The following ENAH variants were observed in gnomAD, a reference collection of about 807,000 sequenced individuals.
ENAH encodes ENAH actin regulator.
Under a neutral mutation model 78.7 loss-of-function variants are expected in ENAH, and 23 were observed. The observed-to-expected ratio is 0.29, with a 90% CI of 0.21 to 0.41. The LOEUF (loss-of-function observed/expected upper bound fraction) is 0.41. Ranked by LOEUF, ENAH falls within the 10% of genes least tolerant of loss-of-function variation. The pLI is 1.00. For synonymous variants in ENAH, 226 were observed against 241.0 expected, an observed-to-expected ratio of 0.94 and a Z score of 0.58; for missense variants, 544 against 691.0, an observed-to-expected ratio of 0.79 and a Z score of 2.39.
At chr1:225,557,269 T>G (rs2096671786) in intron 2 of ENAH, among the ~76,000 whole-genome samples, 1 of 152,154 alleles carries the variant, frequency 6.6e-6, no homozygotes, top group South Asian at 2.1e-4. Flanking sequence ...GATTTATTAT[T>G]TTCTATTATT....
rs974318763 is a variant in ENAH, at chr1:225,494,958, A to G, written c.*2817T>C. 2.6e-5 allele frequency: 4 copies of G among 152,662 alleles called. No individual in the cohort carries two copies. The highest frequency in any genetic ancestry group is 5.9e-5 in the Non-Finnish European group (4 of 68,038). 9.5% of individuals were successfully genotyped at this position (152,662 alleles called of 1,614,324 possible). Reference sequence around the variant, plus strand: ...AAGGAAGTACACCTAAAAGCATGAGAATTCAACATTCATTAGTGTTTCATC... The same window carrying G: ...AAGGAAGTACACCTAAAAGCATGAGGATTCAACATTCATTAGTGTTTCATC... On this transcript the variant is annotated 3_prime_UTR_variant, in exon 14 of 14. Coordinates refer to ENST00000366843, the MANE Select transcript of ENAH (RefSeq NM_018212.6).
chr1:225,532,000 T>C (rs2096540149), intron 3 of ENAH, among the ~76,000 whole-genome samples: 1 of 151,776 alleles, frequency 6.6e-6, no homozygotes, highest in South Asian at 2.1e-4. Context: ...CAAATAAATA[T>C]TATAAAAAAA....
At position 225,587,838 on chromosome 1, in the gene ENAH, A is replaced by C. The variant is rs180900222; in HGVS notation, c.6-20424T>G. 2.1e-3 allele frequency among the ~76,000 whole-genome samples: 323 copies of C among 152,318 alleles called. 4 individuals carry two copies. The highest frequency in any genetic ancestry group is 0.018 in the Admixed American group (277 of 15,306). ...TGAAACAGGACAGAGTCCAGAAATC[A>C]ACACATATAAAGACAACTAATTTTT... is the stretch of plus-strand genomic sequence containing the variant. On this transcript the variant is annotated intron_variant, in intron 1 of 13. Transcript: ENST00000366843.
At chr1:225,535,530 G>T in intron 3 of ENAH, 2 of 1,303,822 alleles carry the variant, frequency 1.5e-6, no homozygotes, top group Non-Finnish European at 2.0e-6. Flanking sequence ...TCGCAAATTA[G>T]TGCTGTCCTG....
intron 1 of ENAH, among the ~76,000 whole-genome samples, chr1:225,616,598 A>AT (rs1416659641): frequency 2.0e-5 from 3 of 152,092 alleles, no homozygotes; most frequent in African/African-American, 7.2e-5. Context: ...GCATCTATAT[A>AT]TAAAAATTGA....
rs1384739719 is a variant in ENAH at position 225,495,255 on chromosome 1, C to A, written c.*2520G>T. The A allele has an allele frequency of 6.6e-6, 1 of 152,538 alleles. No homozygotes were observed. Among genetic ancestry groups the A allele is most frequent in the Non-Finnish European group, 1.5e-5 (1 of 68,010 alleles). The allele number at this position is 152,538 out of a possible 1,614,324, so 9.4% of individuals were successfully genotyped here. A position where few individuals can be genotyped will look rare whatever the true frequency, so the allele number is the denominator to read the frequency against. The stretch of plus-strand genomic sequence containing the variant: ...CAACGTACAAGAGCACAAAAACCAT[C>A]ATAATAATGTGGTTCCAAGGAACGT... On this transcript the variant is annotated 3_prime_UTR_variant, in exon 14 of 14. Coordinates refer to ENST00000366843, the MANE Select transcript of ENAH (RefSeq NM_018212.6).
chr1:225,551,446 G>A (rs967189016), intron 3 of ENAH, among the ~76,000 whole-genome samples: 7 of 152,028 alleles, frequency 4.6e-5, no homozygotes, highest in Admixed American at 6.6e-5. Context: ...TAGGGGACAC[G>A]GAAGAAGAGG....
Position 225,548,021 on chromosome 1 carries a change from T to C in ENAH, c.349+6885A>G, listed in dbSNP as rs1226272322. ...GAAAGAAGATCTGTGAGGACAAGAC[T>C]TGTGTCTAATTTGCGCTGGCATACA... On this transcript the variant is annotated intron_variant, in intron 3 of 13. Coordinates refer to ENST00000366843, the MANE Select transcript of ENAH (RefSeq NM_018212.6). Among the ~76,000 whole-genome samples, 3 of 152,304 alleles carry C rather than the reference T, an allele frequency of 2.0e-5. No individual in the cohort carries two copies. The East Asian group carries it at 5.8e-4, about 29-fold the overall frequency.
chr1:225,617,886 G>A (rs961805517), intron 1 of ENAH, among the ~76,000 whole-genome samples: 2 of 152,134 alleles, frequency 1.3e-5, no homozygotes, highest in Admixed American at 6.6e-5. Context: ...GAAAGGTTCT[G>A]TTACCACCAA....
intron 1 of ENAH, among the ~76,000 whole-genome samples, chr1:225,618,295 C>A (rs1466787466): frequency 6.6e-6 from 1 of 152,166 alleles, no homozygotes; most frequent in African/African-American, 2.4e-5. Context: ...AAAAGTGAAC[C>A]ATGGGCCAAT....
chr1:225,548,435 G>A (rs1362447256), intron 3 of ENAH, among the ~76,000 whole-genome samples: 1 of 152,072 alleles, frequency 6.6e-6, no homozygotes, highest in Non-Finnish European at 1.5e-5. Context: ...GACCTTAACA[G>A]TTTACTTAAA....
intron 4 of ENAH, among the ~76,000 whole-genome samples, chr1:225,526,185 A>C (rs1383429771): frequency 6.6e-6 from 1 of 152,006 alleles, no homozygotes; most frequent in African/African-American, 2.4e-5. Context: ...ACTCCCCCAG[A>C]ACTTCTATTA....
chr1:225,612,952 G>T (rs1046540445), intron 1 of ENAH, among the ~76,000 whole-genome samples: 5 of 152,078 alleles, frequency 3.3e-5, no homozygotes, highest in African/African-American at 1.2e-4. Flanking sequence ...GTTTACTAAG[G>T]TATGAAATGA....
intron 1 of ENAH, among the ~76,000 whole-genome samples, chr1:225,596,014 G>T (rs957857000): frequency 6.6e-6 from 1 of 151,990 alleles, no homozygotes; most frequent in Non-Finnish European, 1.5e-5. Flanking sequence ...TAAAAATTTA[G>T]AAACTATAGT....
At chr1:225,653,853 C>T (rs1291480927), upstream of ENAH, among the ~76,000 whole-genome samples, 5 of 151,436 alleles carry the variant, frequency 3.3e-5, no homozygotes, top group East Asian at 9.7e-4. This position sits in a 1 kb window ranked among gnomAD's most constrained non-coding sequence, Gnocchi z 4.3. Flanking sequence ...ATCATTGTTC[C>T]CTTCGCTCCT....
At chr1:225,514,134 T>C (rs2096398456) in intron 7 of ENAH, among the ~76,000 whole-genome samples, 1 of 152,240 alleles carries the variant, frequency 6.6e-6, no homozygotes, top group Non-Finnish European at 1.5e-5. Flanking sequence ...ACAACTTCAC[T>C]ATAAAAATTT....
chr1:225,559,977 A>T (rs1445850025), intron 2 of ENAH, among the ~76,000 whole-genome samples: 1 of 152,206 alleles, frequency 6.6e-6, no homozygotes, highest in Non-Finnish European at 1.5e-5. Context: ...AATATCCCTG[A>T]GAACAGCCAA....
chr1:225,582,948 G>A (rs903314187), intron 1 of ENAH, among the ~76,000 whole-genome samples: 1 of 152,120 alleles, frequency 6.6e-6, no homozygotes, highest in Non-Finnish European at 1.5e-5. Context: ...GAAATGGCTA[G>A]AGAAAAATGA....
At chr1:225,597,937 T>A (rs2096910378) in intron 1 of ENAH, among the ~76,000 whole-genome samples, 1 of 108,210 alleles carries the variant, frequency 9.2e-6, no homozygotes, top group Admixed American at 1.0e-4. Flanking sequence ...TCCACTTAAC[T>A]TTTTTTTTTT....
Sources: allele counts gnomAD v4.1 joint callset (sites outside exome capture counted in the v4.1 genomes callset), GRCh38; gene constraint gnomAD v4.1.1; non-coding constraint Gnocchi (gnomAD v3.1); transcripts MANE v1.5; gene names NCBI Gene and HGNC (gene_info 2026-07-23, HGNC 2026-07-21).